Variants in TENM4 observed in about 807,000 individuals in gnomAD.
TENM4 encodes teneurin transmembrane protein 4.
Under a neutral mutation model 243.3 loss-of-function variants are expected in TENM4, and 82 were observed. The observed-to-expected ratio is 0.34, with a 90% CI of 0.28 to 0.40. The LOEUF (loss-of-function observed/expected upper bound fraction) is 0.40, where lower values mean the gene tolerates loss of function less well. Among genes scored for constraint, TENM4 ranks in the 10% least tolerant of loss-of-function variants. TENM4 has a pLI of 1.00. For missense variants in TENM4, 3,138 were observed against 3,673.3 expected (o/e 0.85, Z 3.77); for synonymous variants, 1,412 against 1,456.3 (o/e 0.97, Z 0.69).
At chr11:78,684,981 A>T (rs1425500758) in intron 29 of TENM4, among the ~76,000 whole-genome samples, 1 of 151,896 alleles carries the variant, frequency 6.6e-6, no homozygotes, top group African/African-American at 2.4e-5. Context: ...TTCATGGGAA[A>T]CCCTCACTGA....
At chr11:79,046,304 G>A (rs574287641) in intron 6 of TENM4, among the ~76,000 whole-genome samples, 3 of 152,142 alleles carry the variant, frequency 2.0e-5, no homozygotes, top group African/African-American at 4.8e-5. Flanking sequence ...AGAACAAAAC[G>A]GTTTCTTCTG....
intron 28 of TENM4, among the ~76,000 whole-genome samples, chr11:78,694,992 A>AT (rs1858920291): frequency 6.6e-6 from 1 of 152,128 alleles, no homozygotes; most frequent in Admixed American, 6.6e-5. Flanking sequence ...GGTAATGGCT[A>AT]TTCACTGTTT....
chr11:78,901,482 A>G (rs762998866), intron 7 of TENM4, among the ~76,000 whole-genome samples: 1 of 152,178 alleles, frequency 6.6e-6, no homozygotes, highest in Non-Finnish European at 1.5e-5. Context: ...TACAACTCAC[A>G]CTAACCATTA....
intron 9 of TENM4, among the ~76,000 whole-genome samples, chr11:78,883,387 G>C (rs1478058188): frequency 1.3e-5 from 2 of 152,200 alleles, no homozygotes; most frequent in Non-Finnish European, 2.9e-5. Flanking sequence ...GCAGTGCTGA[G>C]ATTTCTGCGG....
intron 1 of TENM4, among the ~76,000 whole-genome samples, chr11:79,349,736 A>T (rs963357506): frequency 6.6e-6 from 1 of 152,180 alleles, no homozygotes; most frequent in Non-Finnish European, 1.5e-5. Context: ...ACTTGTTTTG[A>T]GTGGCCAGGA....
chr11:79,361,277 G>A (rs778698341), intron 1 of TENM4, among the ~76,000 whole-genome samples: 1 of 152,150 alleles, frequency 6.6e-6, no homozygotes, highest in Non-Finnish European at 1.5e-5. Context: ...TGCAGTAAAC[G>A]TAACTTGTGT....
chr11:79,246,037 G>GAAAGACAA (rs770326026), intron 2 of TENM4, among the ~76,000 whole-genome samples: 8 of 150,284 alleles, frequency 5.3e-5, no homozygotes, highest in South Asian at 2.1e-4. Context: ...AAGAGAGAGA[G>GAAAGACAA]AAAGACAAAC....
chr11:79,376,034 TG>T (rs1186656290), intron 1 of TENM4, among the ~76,000 whole-genome samples: 3 of 152,288 alleles, frequency 2.0e-5, no homozygotes, highest in Admixed American at 2.0e-4. Context: ...CCAAGAACAC[TG>T]GGGGACTGGA....
chr11:78,972,844 T>C (rs968031827), intron 6 of TENM4, among the ~76,000 whole-genome samples: 1 of 152,212 alleles, frequency 6.6e-6, no homozygotes, highest in Non-Finnish European at 1.5e-5. Context: ...TGTCCTCCAA[T>C]TCCCTGCAGC....
chr11:79,064,634 C>A, intron 6 of TENM4, 104 bp downstream of exon 6: 1 of 1,455,082 alleles, frequency 6.9e-7, no homozygotes, highest in South Asian at 1.4e-5. Context: ...CAATTTTTCA[C>A]CAACTTCACC....
intron 1 of TENM4, among the ~76,000 whole-genome samples, chr11:79,340,776 C>T (rs1489559841): frequency 6.6e-6 from 1 of 152,146 alleles, no homozygotes; most frequent in Non-Finnish European, 1.5e-5. Flanking sequence ...TGAAATGTGC[C>T]TCCTTAGGAA....
At chr11:79,101,163 A>G (rs1055889269) in intron 4 of TENM4, among the ~76,000 whole-genome samples, 2 of 152,210 alleles carry the variant, frequency 1.3e-5, no homozygotes, top group East Asian at 1.9e-4. Context: ...TGGTGGGGCC[A>G]TGAGAGTTTC....
chr11:79,163,887 T>C (rs11237737), intron 3 of TENM4, among the ~76,000 whole-genome samples: 4 of 144,366 alleles, frequency 2.8e-5, no homozygotes, highest in Non-Finnish European at 4.5e-5. Flanking sequence ...TGTACATATA[T>C]TATATATGGA....
intron 32 of TENM4, among the ~76,000 whole-genome samples, chr11:78,667,318 A>G (rs976042775): frequency 6.6e-6 from 1 of 152,156 alleles, no homozygotes; most frequent in Non-Finnish European, 1.5e-5. Flanking sequence ...CTCTTCTTGA[A>G]AAAGGAATTC....
intron 17 of TENM4, among the ~76,000 whole-genome samples, chr11:78,771,743 AT>A (rs1856650572): frequency 6.6e-6 from 1 of 152,160 alleles, no homozygotes; most frequent in Admixed American, 6.5e-5. Flanking sequence ...TTTTCTTAAC[AT>A]CTTGTCTACA....
intron 1 of TENM4, among the ~76,000 whole-genome samples, chr11:79,389,262 C>T (rs1044234182): frequency 2.0e-5 from 3 of 152,160 alleles, no homozygotes; most frequent in African/African-American, 7.2e-5. Flanking sequence ...TTCAAGCCAT[C>T]CTCCTGCCTC....
intron 3 of TENM4, among the ~76,000 whole-genome samples, chr11:79,163,400 C>T (rs1258249369): frequency 2.6e-5 from 4 of 151,896 alleles, no homozygotes; most frequent in South Asian, 4.2e-4. Context: ...GGAGGCCTGC[C>T]GAACTTTTTT....
At chr11:79,083,221 G>A (rs1467043668) in intron 4 of TENM4, among the ~76,000 whole-genome samples, 5 of 152,206 alleles carry the variant, frequency 3.3e-5, no homozygotes, top group Admixed American at 2.6e-4. Context: ...TCCAAGATGG[G>A]GACAGGGATC....
At chr11:79,017,567 A>G (rs544881994) in intron 6 of TENM4, among the ~76,000 whole-genome samples, 1 of 152,314 alleles carries the variant, frequency 6.6e-6, no homozygotes, top group East Asian at 1.9e-4. Flanking sequence ...GGAAGGGGAT[A>G]AGGGATGTTG....
Sources: allele counts gnomAD v4.1 joint callset (sites outside exome capture counted in the v4.1 genomes callset), GRCh38; gene constraint gnomAD v4.1.1; transcripts MANE v1.5; gene names NCBI Gene and HGNC (gene_info 2026-07-23, HGNC 2026-07-21).